Variants in PCNT observed in about 807,000 individuals in gnomAD.
PCNT encodes the protein pericentrin.
A neutral mutation model predicts 380.4 loss-of-function variants in PCNT; 319 were observed. That is an observed-to-expected ratio of 0.84 (90% CI 0.77 to 0.92). The LOEUF is 0.92. Ranked by LOEUF, PCNT falls within the 40% of genes least tolerant of loss-of-function variation. The pLI is 0.00. For missense variants in PCNT, 4,400 were observed against 4,255.3 expected, an observed-to-expected ratio of 1.03 and a Z score of -0.95; for synonymous variants, 1,845 against 1,735.2, an observed-to-expected ratio of 1.06 and a Z score of -1.57.
intron 2 of PCNT, among the ~76,000 whole-genome samples, chr21:46,331,411 G>A (rs868857464): frequency 6.6e-6 from 1 of 152,102 alleles, no homozygotes; most frequent in African/African-American, 2.4e-5. Flanking sequence ...AAGACTTTGT[G>A]GTAAATATTC....
At chr21:46,335,735 C>T (rs1330177693) in intron 3 of PCNT, among the ~76,000 whole-genome samples, 1 of 150,790 alleles carries the variant, frequency 6.6e-6, no homozygotes, top group Non-Finnish European at 1.5e-5. Context: ...CTCTATTGCC[C>T]AGGCTGGTGG....
At chr21:46,434,656 G>T (rs1333543506) in intron 38 of PCNT, among the ~76,000 whole-genome samples, 7 of 152,236 alleles carry the variant, frequency 4.6e-5, no homozygotes, top group Non-Finnish European at 8.8e-5. Context: ...CTTCTCCCGG[G>T]CACCAGACAT....
intron 15 of PCNT, among the ~76,000 whole-genome samples, chr21:46,379,439 C>T (rs566316936): frequency 1.3e-5 from 2 of 152,318 alleles, no homozygotes; most frequent in Admixed American, 6.5e-5. Flanking sequence ...GTGTGGGTCT[C>T]TGTCAGTTTG....
intron 2 of PCNT, among the ~76,000 whole-genome samples, chr21:46,332,649 T>G (rs753819997): frequency 1.3e-5 from 2 of 152,180 alleles, no homozygotes; most frequent in Non-Finnish European, 2.9e-5. Context: ...AATGAAGACT[T>G]GTCTGAGATT....
chr21:46,420,179 G>A (rs1440197008), intron 31 of PCNT, among the ~76,000 whole-genome samples: 2 of 152,164 alleles, frequency 1.3e-5, no homozygotes, highest in Non-Finnish European at 2.9e-5. Flanking sequence ...GGAGGCCTGC[G>A]CGGTCGGGGT....
chr21:46,366,793 CT>C lies in PCNT; in HGVS notation c.2820del (p.Leu941CysfsTer50). ...GCCTCCTTAGAGAGCAAGCAGGGGG[CT>C]CTGCTGGCTGCACGTGTGGCCGAAC... is the stretch of plus-strand genomic sequence containing the variant. ...LTASLESKQG[A>X]LLAARVAELQ... On this transcript the variant is annotated frameshift_variant, in exon 15 of 47. Coordinates refer to ENST00000359568, the MANE Select transcript of PCNT (RefSeq NM_006031.6). LOFTEE classifies it high-confidence loss of function. 6.2e-7 allele frequency: 1 copy of C among 1,613,772 alleles called. No homozygotes were observed.
rs566898194 is a variant in PCNT at position 46,389,356 on chromosome 21, C to T, written c.3765C>T (p.Pro1255=). ...AAAGTGTGCGGGAGTGTGAGCAGCCCATCCGGAGGGTCTTCCAGAGCCTCA... is the reference window on the plus strand; with the variant it reads ...AAAGTGTGCGGGAGTGTGAGCAGCCTATCCGGAGGGTCTTCCAGAGCCTCA... The part of the protein sequence containing the change: ...SPESVRECEQ[P]IRRVFQSLSL... Residue 1255 remains proline, a synonymous_variant, in exon 19 of 47, where the codon CCC becomes CCT. Coordinates refer to ENST00000359568, the MANE Select transcript of PCNT (RefSeq NM_006031.6). 1.2e-6 allele frequency: 2 copies of T among 1,614,234 alleles called. No homozygotes were observed. Among genetic ancestry groups the T allele is most frequent in the Admixed American group, 1.7e-5 (1 of 60,030 alleles).
intron 29 of PCNT, among the ~76,000 whole-genome samples, chr21:46,415,433 A>G (rs1364564354): frequency 4.9e-5 from 6 of 121,978 alleles, no homozygotes; most frequent in African/African-American, 1.9e-4. Flanking sequence ...GCTGGAGTGC[A>G]GTGGCGAGAT....
chr21:46,396,615 T>G (rs1350423102), intron 21 of PCNT, among the ~76,000 whole-genome samples: 3 of 152,198 alleles, frequency 2.0e-5, no homozygotes, highest in Non-Finnish European at 2.9e-5. Context: ...TTTATTTATT[T>G]ATTTATTTGA....
chr21:46,397,576 A>G (rs2086250683), intron 22 of PCNT, 82 bp downstream of exon 22: 2 of 1,169,850 alleles, frequency 1.7e-6, no homozygotes, highest in Non-Finnish European at 2.5e-6. Context: ...TCGTTACGTA[A>G]GCTTCTGCAG....
intron 13 of PCNT, among the ~76,000 whole-genome samples, chr21:46,362,460 T>C (rs1418492067): frequency 6.6e-6 from 1 of 152,198 alleles, no homozygotes; most frequent in Non-Finnish European, 1.5e-5. Context: ...TCTGTTCAGT[T>C]CATAGTGGTT....
At chr21:46,333,498 T>G (rs2083622953) in intron 2 of PCNT, among the ~76,000 whole-genome samples, 1 of 151,784 alleles carries the variant, frequency 6.6e-6, no homozygotes, top group Non-Finnish European at 1.5e-5. Context: ...TCCCAGCTAC[T>G]CGGGAGGCTG....
chr21:46,421,925 C>T, intron 31 of PCNT, 45 bp from the exon 32 acceptor site: 1 of 1,609,492 alleles, frequency 6.2e-7, no homozygotes, highest in Non-Finnish European at 8.5e-7. Context: ...CTGGGGAACC[C>T]CCTGGAGAGC....
Position 46,388,102 on chromosome 21 carries a change from C to G in PCNT, c.3465-640C>G, listed in dbSNP as rs993421072. Reference sequence around the variant, plus strand: ...ACAGACGCCTGTAGTCCCAGCTACTCGGGAGGCTGAGGCAGGAGAAAGGCG... The same window carrying G: ...ACAGACGCCTGTAGTCCCAGCTACTGGGGAGGCTGAGGCAGGAGAAAGGCG... On this transcript the variant is annotated intron_variant, in intron 17 of 46. Transcript: ENST00000359568. The surrounding 1 kb of genome is among the most constrained non-coding windows in gnomAD (Gnocchi z 4.2). Among the ~76,000 whole-genome samples the G allele has an allele frequency of 6.6e-6, 1 of 151,734 alleles. No individual in the cohort carries two copies. The highest frequency in any genetic ancestry group is 1.5e-5 in the Non-Finnish European group (1 of 67,916).
intron 24 of PCNT, 88 bp from the exon 25 acceptor site, chr21:46,399,502 C>A (rs544629108): frequency 2.6e-5 from 25 of 971,566 alleles, no homozygotes; most frequent in Non-Finnish European, 3.8e-5. Context: ...TCTATTTTGT[C>A]TCTGTTGTTT....
intron 27 of PCNT, among the ~76,000 whole-genome samples, chr21:46,404,138 G>A (rs555668395): frequency 7.5e-5 from 8 of 106,298 alleles, no homozygotes; most frequent in African/African-American, 2.9e-4. Context: ...TGGGAGAATT[G>A]TGTGTGTGTG....
chr21:46,355,134 A>C (rs2146692275), intron 11 of PCNT, among the ~76,000 whole-genome samples: 1 of 152,316 alleles, frequency 6.6e-6, no homozygotes, highest in Non-Finnish European at 1.5e-5. Flanking sequence ...CACGTGCCCT[A>C]CCGACCTTGC....
rs59957960 is a variant in PCNT, at chr21:46,418,198, T to TACCTG, written c.6922-5_6922-4insCCTGA. On this transcript the variant is annotated splice_polypyrimidine_tract_variant and splice_region_variant and intron_variant, in intron 30 of 46. Transcript: ENST00000359568. ...ATTTTATGACCATTTAAAAATCTCT[T>TACCTG]AACAGGAGAAAGATGTCGAAGATTT... 2.6e-6 allele frequency: 4 copies of TACCTG among 1,543,610 alleles called. No homozygotes were observed. In the African/African-American group the frequency reaches 4.2e-5, roughly 16 times the overall value.
rs774647014 is a variant in PCNT at position 46,399,744 on chromosome 21, A to G, written c.4739A>G (p.Gln1580Arg). 8.1e-6 allele frequency: 13 copies of G among 1,614,208 alleles called. No individual in the cohort carries two copies. The highest frequency in any genetic ancestry group is 1.3e-5 in the African/African-American group (1 of 75,066). The change falls in exon 25 of 47, where the codon CAG becomes CGG. Residue 1580 changes from glutamine (Q) to arginine (R), a missense_variant. Physicochemically the swap from Gln to Arg is conservative, Grantham distance 43. Transcript: ENST00000359568. ...MNINIRKKVAQLQEEVEKQKN... is the reference protein window; with the variant it reads ...MNINIRKKVARLQEEVEKQKN... Reference sequence around the variant, plus strand: ...ATCAACATCAGGAAAAAAGTGGCCCAGCTCCAGGAAGAAGTGGAAAAACAG... The same window carrying G: ...ATCAACATCAGGAAAAAAGTGGCCCGGCTCCAGGAAGAAGTGGAAAAACAG...
Sources: allele counts gnomAD v4.1 joint callset (sites outside exome capture counted in the v4.1 genomes callset), GRCh38; gene constraint gnomAD v4.1.1; non-coding constraint Gnocchi (gnomAD v3.1); transcripts MANE v1.5; gene names NCBI Gene and HGNC (gene_info 2026-07-23, HGNC 2026-07-21).